Variants in ANKRD33B observed in about 807,000 individuals in gnomAD.
ANKRD33B encodes ankyrin repeat domain 33B, also known as ankyrin repeat domain-containing protein 33B.
A neutral mutation model predicts 21.5 loss-of-function variants in ANKRD33B; 6 were observed. That is an observed-to-expected ratio of 0.28 (90% confidence interval 0.15 to 0.55). The LOEUF is 0.55. Among genes scored for constraint, ANKRD33B ranks in the 20% least tolerant of loss-of-function variants. The pLI, the probability that ANKRD33B is intolerant of heterozygous loss-of-function variation, is 0.94. For missense variants in ANKRD33B, 698 were observed against 747.2 expected (o/e 0.93, Z 0.77); for synonymous variants, 347 against 342.4 (o/e 1.01, Z -0.15).
At chr5:10,626,040 C>T (rs2126589198) in intron 2 of ANKRD33B, among the ~76,000 whole-genome samples, 1 of 152,338 alleles carries the variant, frequency 6.6e-6, no homozygotes, top group Non-Finnish European at 1.5e-5. Flanking sequence ...CAGCCTCGGC[C>T]TAGAACCCGA....
At chr5:10,566,749 T>C (rs1173276822) in intron 1 of ANKRD33B, among the ~76,000 whole-genome samples, 2 of 152,208 alleles carry the variant, frequency 1.3e-5, no homozygotes, top group Non-Finnish European at 2.9e-5. Context: ...AGGGCCGTGG[T>C]ATGGGAGGCT....
At chr5:10,605,580 G>T (rs1207771328) in intron 1 of ANKRD33B, among the ~76,000 whole-genome samples, 1 of 151,480 alleles carries the variant, frequency 6.6e-6, no homozygotes, top group Non-Finnish European at 1.5e-5. Flanking sequence ...CCAGGCTGGA[G>T]TGCAGTGGCA....
At chr5:10,641,810 A>G (rs1265819973) in intron 3 of ANKRD33B, among the ~76,000 whole-genome samples, 1 of 144,636 alleles carries the variant, frequency 6.9e-6, no homozygotes, top group Admixed American at 6.9e-5. Flanking sequence ...ATAAAAAAAA[A>G]AACATAATTA....
chr5:10,643,934 T>G (rs1162066641), intron 3 of ANKRD33B, among the ~76,000 whole-genome samples: 2 of 151,916 alleles, frequency 1.3e-5, no homozygotes, highest in African/African-American at 4.8e-5. Context: ...TCTTCTACTA[T>G]TACTACTAAG....
At chr5:10,630,135 T>C (rs980367555) in intron 2 of ANKRD33B, among the ~76,000 whole-genome samples, 1 of 152,220 alleles carries the variant, frequency 6.6e-6, no homozygotes, top group African/African-American at 2.4e-5. Context: ...AGCTAGTTAT[T>C]GCTGTGTAAC....
At chr5:10,600,052 G>C (rs953744017) in intron 1 of ANKRD33B, among the ~76,000 whole-genome samples, 1 of 152,244 alleles carries the variant, frequency 6.6e-6, no homozygotes, top group Non-Finnish European at 1.5e-5. Flanking sequence ...TAGGGGTGAA[G>C]TGATTTCTTA....
At chr5:10,570,058 G>A (rs1735144022) in intron 1 of ANKRD33B, among the ~76,000 whole-genome samples, 1 of 152,022 alleles carries the variant, frequency 6.6e-6, no homozygotes, top group East Asian at 1.9e-4. Flanking sequence ...TATGTTTTTA[G>A]TAGAGACGGG....
chr5:10,636,478 A>G (rs1467307162), intron 2 of ANKRD33B, among the ~76,000 whole-genome samples: 2 of 152,176 alleles, frequency 1.3e-5, no homozygotes, highest in Non-Finnish European at 2.9e-5. Context: ...TTAGCTGGGC[A>G]TGATGATGCT....
intron 1 of ANKRD33B, among the ~76,000 whole-genome samples, chr5:10,599,115 A>G (rs1365942169): frequency 6.6e-6 from 1 of 152,200 alleles, no homozygotes; most frequent in Non-Finnish European, 1.5e-5. Flanking sequence ...TTCTGTCACC[A>G]TGGATTAGTT....
intron 1 of ANKRD33B, among the ~76,000 whole-genome samples, chr5:10,598,732 C>T (rs1015465292): frequency 1.3e-5 from 2 of 152,104 alleles, no homozygotes; most frequent in African/African-American, 4.8e-5. Context: ...TTAGCTACTA[C>T]ACCTGGCCAA....
intron 1 of ANKRD33B, among the ~76,000 whole-genome samples, chr5:10,587,105 C>T (rs1735582656): frequency 1.3e-5 from 2 of 152,262 alleles, no homozygotes; most frequent in African/African-American, 4.8e-5. Flanking sequence ...ACCTCTGTCT[C>T]CTGGGTTCAA....
rs758243953 is a variant in ANKRD33B at position 10,649,737 on chromosome 5, G to A, written c.1109G>A (p.Arg370Gln). ...DEVGGAGQRG[R>Q]TGQEDADSRE... ...GTGGGGGGCGCGGGGCAGCGCGGGCGGACCGGACAGGAGGACGCGGACTCC... is the reference window on the plus strand; with the variant it reads ...GTGGGGGGCGCGGGGCAGCGCGGGCAGACCGGACAGGAGGACGCGGACTCC... The change falls in exon 4 of 4, where the codon CGG (arginine) becomes CAG (glutamine). Residue 370 changes from arginine (R) to glutamine (Q), a missense_variant. By Grantham distance (43) the Arg-to-Gln change is conservative (BLOSUM62 1). This residue lies in a region of ANKRD33B where 543 missense variants were observed against 566.5 expected (regional missense o/e 0.96). Coordinates refer to ENST00000296657, the MANE Select transcript of ANKRD33B (RefSeq NM_001164440.2). 13 of 1,476,172 alleles carry A rather than the reference G, an allele frequency of 8.8e-6. No individual in the cohort carries two copies. Among genetic ancestry groups the A allele is most frequent in the Non-Finnish European group, 1.2e-5 (13 of 1,117,742 alleles). 91.4% of individuals were successfully genotyped at this position (1,476,172 alleles called of 1,614,324 possible).
At chr5:10,593,373 A>C (rs1735740103) in intron 1 of ANKRD33B, among the ~76,000 whole-genome samples, 1 of 152,176 alleles carries the variant, frequency 6.6e-6, no homozygotes. Context: ...CCATCAATGA[A>C]TGTACGACCC....
chr5:10,588,235 C>T (rs1273986831), intron 1 of ANKRD33B, among the ~76,000 whole-genome samples: 2 of 152,280 alleles, frequency 1.3e-5, no homozygotes, highest in African/African-American at 4.8e-5. Context: ...ATAACTTTAG[C>T]GACATTTAAT....
chr5:10,567,380 G>A (rs565388826), intron 1 of ANKRD33B, among the ~76,000 whole-genome samples: 1 of 152,362 alleles, frequency 6.6e-6, no homozygotes, highest in African/African-American at 2.4e-5. Flanking sequence ...AGGTACTTTA[G>A]CAGACTCAAA....
At chr5:10,577,100 C>G (rs1368020980) in intron 1 of ANKRD33B, among the ~76,000 whole-genome samples, 2 of 151,516 alleles carry the variant, frequency 1.3e-5, no homozygotes, top group African/African-American at 4.8e-5. Context: ...TTCCCTTCCC[C>G]TTCCCCTTTC....
chr5:10,584,155 A>G (rs913893414), intron 1 of ANKRD33B, among the ~76,000 whole-genome samples: 1 of 152,200 alleles, frequency 6.6e-6, no homozygotes, highest in African/African-American at 2.4e-5. Context: ...CACGTGTTTT[A>G]CCAAGAAATC....
At chr5:10,577,076 TTTCCCCTTTCCCTTTCCCTTCCCC>T (rs1475862785) in intron 1 of ANKRD33B, among the ~76,000 whole-genome samples, 2 of 151,762 alleles carry the variant, frequency 1.3e-5, no homozygotes, top group Non-Finnish European at 2.9e-5. Context: ...TTCCCTTCCC[TTTCCCCTTTCCCTTTCCCTTCCCC>T]TTCCCCTTTC....
intron 1 of ANKRD33B, among the ~76,000 whole-genome samples, chr5:10,599,552 A>G (rs148053613): frequency 0.014 from 2,066 of 152,160 alleles, 30 homozygotes; most frequent in Middle Eastern, 0.031. Context: ...GAATTTGCCT[A>G]TCCTACATAT....
Sources: gnomAD v4.1 joint callset for allele counts (sites outside exome capture counted in the v4.1 genomes callset) on GRCh38, gnomAD v4.1.1 for gene constraint, gnomAD v4.1.1 regional missense constraint, MANE v1.5 for transcripts, NCBI Gene and HGNC (gene_info 2026-07-23, HGNC 2026-07-21) for gene names.